CBLB: variants seen among roughly 807,000 people sequenced by gnomAD.
CBLB encodes E3 ubiquitin-protein ligase CBL-B.
In CBLB, 31 loss-of-function variants were observed where a neutral mutation model predicts 104.9. That is an observed-to-expected ratio of 0.30 (90% CI 0.22 to 0.40). The LOEUF is 0.40. CBLB is among the 10% of genes least tolerant of loss of function. CBLB has a pLI of 1.00. For synonymous variants in CBLB, 440 were observed against 422.6 expected (o/e 1.04, Z -0.51); for missense variants, 1,062 against 1,214.6 (o/e 0.87, Z 1.87).
chr3:105,820,627 T>C lies in CBLB; in HGVS notation c.419+32787A>G, dbSNP rs186968735. On this transcript the variant is annotated intron_variant, in intron 3 of 18. Coordinates refer to ENST00000394030, the MANE Select transcript of CBLB (RefSeq NM_170662.5). ...AGCTTAGAAAGAGTATCATTTGTTTTAAACCCCTCCCATAATTAAGTTGAA... is the reference window on the plus strand; with the variant it reads ...AGCTTAGAAAGAGTATCATTTGTTTCAAACCCCTCCCATAATTAAGTTGAA... Among the ~76,000 whole-genome samples, 4 of 152,262 alleles carry C rather than the reference T, an allele frequency of 2.6e-5. No homozygotes were observed. In the South Asian group the frequency reaches 6.2e-4, roughly 24 times the overall value.
chr3:105,820,130 T>C (rs1362621825), intron 3 of CBLB, among the ~76,000 whole-genome samples: 1 of 152,180 alleles, frequency 6.6e-6, no homozygotes. Context: ...CATCAGGCAC[T>C]AGATTCTCTT....
intron 10 of CBLB, among the ~76,000 whole-genome samples, chr3:105,715,997 C>A (rs1173166222): frequency 1.3e-5 from 2 of 152,156 alleles, no homozygotes; most frequent in Non-Finnish European, 2.9e-5. Flanking sequence ...CAAGATAGTG[C>A]CACTGCAGTC....
At chr3:105,728,921 T>C (rs16851523) in intron 9 of CBLB, among the ~76,000 whole-genome samples, 17,700 of 152,182 alleles carry the variant, frequency 0.12, 1,259 homozygotes, top group East Asian at 0.41. Context: ...AAGTTTTCTG[T>C]TAATTACATA....
intron 17 of CBLB, chr3:105,672,974 A>C (rs2065223308): frequency 6.6e-6 from 1 of 152,066 alleles, no homozygotes; most frequent in Non-Finnish European, 1.5e-5. Flanking sequence ...GTGAACTTAC[A>C]TACTCGTAGG....
chr3:105,808,049 T>TA lies in CBLB; in HGVS notation c.420-31508dup, dbSNP rs1241685204. ...GAACCTAAGTTCACAGAACTTTTCC[T>TA]AAAAAATATTCTTCATCCTTTGGCT... On this transcript the variant is annotated intron_variant, in intron 3 of 18. Transcript: ENST00000394030. Among the ~76,000 whole-genome samples the TA allele has an allele frequency of 2.6e-5, 4 of 152,188 alleles. No individual in the cohort carries two copies. The East Asian group carries it at 7.7e-4, about 29-fold the overall frequency.
intron 17 of CBLB, chr3:105,671,015 A>AT (rs2065006985): frequency 1.1e-5 from 2 of 177,746 alleles, no homozygotes; most frequent in Admixed American, 6.3e-5. Context: ...AAATGTGATA[A>AT]TTTACCACCT....
chr3:105,768,618 A>G (rs544427452), intron 4 of CBLB, among the ~76,000 whole-genome samples: 1 of 152,330 alleles, frequency 6.6e-6, no homozygotes, highest in Non-Finnish European at 1.5e-5. Context: ...TCTGACATAC[A>G]ATAACTCTAA....
At chr3:105,832,585 C>T (rs866358382) in intron 3 of CBLB, among the ~76,000 whole-genome samples, 3 of 152,186 alleles carry the variant, frequency 2.0e-5, no homozygotes, top group Admixed American at 6.5e-5. Context: ...ACAGGTCCAG[C>T]TTAAGTTTCT....
intron 10 of CBLB, among the ~76,000 whole-genome samples, chr3:105,707,498 G>A (rs1162819292): frequency 9.9e-5 from 15 of 152,072 alleles, no homozygotes. Context: ...ATGCTCTTTT[G>A]ATAGTAATGC....
At chr3:105,685,026 T>C (rs1479992309) in intron 14 of CBLB, among the ~76,000 whole-genome samples, 1 of 152,224 alleles carries the variant, frequency 6.6e-6, no homozygotes, top group African/African-American at 2.4e-5. Flanking sequence ...ATGTACATCA[T>C]GAAGAAAAAT....
rs1056344790 is a variant in CBLB at position 105,655,589 on chromosome 3, T to G, written c.*3381A>C. On this transcript the variant is annotated 3_prime_UTR_variant, in exon 19 of 19. Transcript: ENST00000394030. ...TTGAACATATGACTATTTTGCCACA[T>G]CACACAAGTTTTAAAAAGGCATTTT... 5.4e-6 allele frequency: 1 copy of G among 183,508 alleles called. No individual in the cohort carries two copies. The highest frequency in any genetic ancestry group is 1.2e-5 in the Non-Finnish European group (1 of 86,412). 11.4% of individuals were successfully genotyped at this position (183,508 alleles called of 1,614,324 possible). A position where few individuals can be genotyped will look rare whatever the true frequency, so the allele number is the denominator to read the frequency against.
chr3:105,678,663 T>A, intron 16 of CBLB, 92 bp from the exon 17 acceptor site: 1 of 1,372,364 alleles, frequency 7.3e-7, no homozygotes, highest in Non-Finnish European at 1.0e-6. Flanking sequence ...TTTCTCTTGC[T>A]GCTTATAAAG....
chr3:105,755,354 C>A (rs2076995931), intron 4 of CBLB, among the ~76,000 whole-genome samples: 1 of 152,108 alleles, frequency 6.6e-6, no homozygotes, highest in South Asian at 2.1e-4. Context: ...GTCAGCTGGT[C>A]AGTAGTTGAC....
At chr3:105,866,260 T>C (rs983893580) in intron 2 of CBLB, among the ~76,000 whole-genome samples, 9 of 152,234 alleles carry the variant, frequency 5.9e-5, no homozygotes, top group Non-Finnish European at 1.3e-4. Context: ...ATGAAAATAA[T>C]GGAAATCTTG....
Position 105,867,546 on chromosome 3 carries a change from C to T in CBLB, c.32G>A (p.Gly11Asp). The change falls in exon 2 of 19, where the codon GGT becomes GAT. Residue 11 changes from glycine to aspartate, a missense_variant. Gly to Asp is a moderately conservative substitution (Grantham distance 94). This residue lies in a region of CBLB where 457 missense variants were observed against 632.0 expected (regional missense o/e 0.72). Transcript: ENST00000394030. ...TTTTCGGGGATTTCCTCCTCGACCACCAGGGTTTCTGCCATTCATTGAGTT... is the reference window on the plus strand; with the variant it reads ...TTTTCGGGGATTTCCTCCTCGACCATCAGGGTTTCTGCCATTCATTGAGTT... MANSMNGRNP[G>D]GRGGNPRKGR... 1.9e-6 allele frequency: 3 copies of T among 1,614,066 alleles called. No individual in the cohort carries two copies. Among genetic ancestry groups the T allele is most frequent in the Non-Finnish European group, 2.5e-6 (3 of 1,179,988 alleles).
chr3:105,833,292 T>C (rs541539940), intron 3 of CBLB, among the ~76,000 whole-genome samples: 65 of 152,332 alleles, frequency 4.3e-4, no homozygotes, highest in Middle Eastern at 3.4e-3. Context: ...ACTCATTCTG[T>C]AGCAAATAAT....
chr3:105,865,166 C>T (rs2092352360), intron 2 of CBLB, among the ~76,000 whole-genome samples: 1 of 152,086 alleles, frequency 6.6e-6, no homozygotes, highest in Non-Finnish European at 1.5e-5. Flanking sequence ...GAGCCACTTC[C>T]TTCACCACTA....
rs147417931 is a variant in CBLB at position 105,787,626 on chromosome 3, T to C, written c.420-11084A>G. Among the ~76,000 whole-genome samples the C allele has an allele frequency of 3.3e-5, 5 of 152,346 alleles. No individual in the cohort carries two copies. In the East Asian group the frequency reaches 7.7e-4, roughly 23 times the overall value. Reference sequence around the variant, plus strand: ...GCTAACATGAAAGTACAATAGGCTATATGATATTTTCAACTTACAGACTTT... The same window carrying C: ...GCTAACATGAAAGTACAATAGGCTACATGATATTTTCAACTTACAGACTTT... On this transcript the variant is annotated intron_variant, in intron 3 of 18. Transcript: ENST00000394030.
chr3:105,680,750 T>C (rs1267862262), intron 16 of CBLB, among the ~76,000 whole-genome samples: 1 of 152,248 alleles, frequency 6.6e-6, no homozygotes, highest in Non-Finnish European at 1.5e-5. Context: ...ACTTTCATCA[T>C]ATATTATTTT....
Sources: gnomAD v4.1 joint callset for allele counts (sites outside exome capture counted in the v4.1 genomes callset) on GRCh38, gnomAD v4.1.1 for gene constraint, gnomAD v4.1.1 regional missense constraint, MANE v1.5 for transcripts, NCBI Gene and HGNC (gene_info 2026-07-23, HGNC 2026-07-21) for gene names.